The following ASMTL variants were observed in gnomAD, a reference collection of about 807,000 sequenced individuals.
ASMTL encodes the protein acetylserotonin O-methyltransferase like.
A neutral mutation model predicts 60.3 loss-of-function variants in ASMTL; 57 were observed. That is an observed-to-expected ratio of 0.95 (90% CI 0.76 to 1.18). ASMTL has a LOEUF of 1.18. Ranked by LOEUF, ASMTL falls within the 50% of genes most tolerant of loss-of-function variation. ASMTL has a pLI of 0.00. For missense variants in ASMTL, 981 were observed against 852.6 expected, an observed-to-expected ratio of 1.15 and a Z score of -1.88; for synonymous variants, 419 against 373.0, an observed-to-expected ratio of 1.12 and a Z score of -1.42.
At position 1,415,471 on chromosome X, in the gene ASMTL, C is replaced by CTTTTTTTTT. The variant is rs768836925; in HGVS notation, c.1522+2493_1522+2501dup. On this transcript the variant is annotated intron_variant, in intron 11 of 12. Coordinates refer to ENST00000381317, the MANE Select transcript of ASMTL (RefSeq NM_004192.4). The stretch of plus-strand genomic sequence containing the variant: ...TATTTATCATTATTATTATCATTGT[C>CTTTTTTTTT]TTTTTTTTTTTGAGATGGAGTTTCG... Among the ~76,000 whole-genome samples, 3 of 147,032 alleles carry CTTTTTTTTT rather than the reference C, an allele frequency of 2.0e-5. 1 individual carries two copies. Among genetic ancestry groups the CTTTTTTTTT allele is most frequent in the Non-Finnish European group, 3.0e-5 (2 of 67,128 alleles).
intron 5 of ASMTL, 124 bp downstream of exon 5, chrX:1,434,898 G>C: frequency 1.0e-6 from 1 of 986,312 alleles, no homozygotes; most frequent in East Asian, 2.5e-5. Context: ...GCAGGACATA[G>C]GCACAAACCC....
intron 6 of ASMTL, among the ~76,000 whole-genome samples, chrX:1,429,666 G>A (rs1189345500): frequency 6.6e-6 from 1 of 151,970 alleles, no homozygotes; most frequent in Non-Finnish European, 1.5e-5. Flanking sequence ...GCGTGGCGGT[G>A]GGTGCCTGTA....
intron 12 of ASMTL, among the ~76,000 whole-genome samples, chrX:1,406,586 G>GGATGTAT (rs1342964787): frequency 6.6e-6 from 1 of 151,258 alleles, no homozygotes; most frequent in Non-Finnish European, 1.5e-5. Context: ...TGGATGAGAT[G>GGATGTAT]GATGTATGGG....
Position 1,412,734 on chromosome X carries a change from G to C in ASMTL, c.1643C>G (p.Pro548Arg). Residue 548 changes from proline to arginine, a missense_variant and splice_region_variant, in exon 12 of 13, where the codon CCA becomes CGA. Physicochemically the swap from Pro to Arg is moderately radical, Grantham distance 103. Transcript: ENST00000381317. ...LLSRVAESCKPGAGLLLVETL... is the reference protein window; with the variant it reads ...LLSRVAESCKRGAGLLLVETL... ...CTAACCTGACGATGGGCTCTCACCT[G>C]GCTTGCAGCTCTCGGCGACCCTGCT... 1 of 1,613,946 alleles carries C rather than the reference G, an allele frequency of 6.2e-7. No individual in the cohort carries two copies. The highest frequency in any genetic ancestry group is 8.5e-7 in the Non-Finnish European group (1 of 1,179,850).
intron 2 of ASMTL, chrX:1,441,930 A>T: frequency 2.1e-6 from 1 of 482,550 alleles, no homozygotes; most frequent in Non-Finnish European, 3.7e-6. Flanking sequence ...ATTGTATATC[A>T]TCAATGATAC....
intron 8 of ASMTL, among the ~76,000 whole-genome samples, chrX:1,422,624 G>A (rs150764457): frequency 0.016 from 2,393 of 152,156 alleles, 59 homozygotes; most frequent in African/African-American, 0.055. Context: ...AGTTGTTGGT[G>A]GAGACCCGTA....
chrX:1,436,500 C>G (rs1479873866), intron 3 of ASMTL, among the ~76,000 whole-genome samples: 50 of 143,718 alleles, frequency 3.5e-4, no homozygotes, highest in South Asian at 4.4e-4. Flanking sequence ...CTACAGGCGC[C>G]CGCCACCACA....
rs199605192 is a variant in ASMTL at position 1,425,563 on chromosome X, A to C, written c.1022T>G (p.Ile341Ser). The C allele has an allele frequency of 9.3e-6, 15 of 1,613,486 alleles. No individual in the cohort carries two copies. Among genetic ancestry groups the C allele is most frequent in the Non-Finnish European group, 1.3e-5 (15 of 1,179,802 alleles). Reference protein sequence around the residue: ...SACGMERLLDICAAMGLLEKT... With the variant: ...SACGMERLLDSCAAMGLLEKT... ...CTCCAGGAGCCCCATGGCAGCACAG[A>C]TGTCCAGAAGCCTCTCCATTCCACA... Residue 341 changes from isoleucine to serine, a missense_variant, in exon 8 of 13, where the codon ATC becomes AGC. Coordinates refer to ENST00000381317, the MANE Select transcript of ASMTL (RefSeq NM_004192.4).
At chrX:1,427,481 T>C (rs1260015654) in intron 7 of ASMTL, among the ~76,000 whole-genome samples, 2 of 139,876 alleles carry the variant, frequency 1.4e-5, no homozygotes, top group African/African-American at 2.7e-5. Flanking sequence ...ACAGACACAG[T>C]GGATGAGGCC....
chrX:1,432,254 G>GC lies in ASMTL; in HGVS notation c.509+14dup, dbSNP rs2090815229. 1.2e-6 allele frequency: 1 copy of GC among 829,598 alleles called. No homozygotes were observed. Among genetic ancestry groups the GC allele is most frequent in the Admixed American group, 2.0e-5 (1 of 50,376 alleles). The allele number at this position is 829,598 out of a possible 1,614,324, so 51.4% of individuals were successfully genotyped here. On this transcript the variant is annotated intron_variant, in intron 6 of 12. Transcript: ENST00000381317. ...CACACGTGTCCCCCGTCCCCCCACC[G>GC]CCCCCGAGACTCACATGGGCTCCCC... is the stretch of plus-strand genomic sequence containing the variant.
chrX:1,417,169 GGCCCACAGCATGCACACAGAT>G (rs2090315796), intron 11 of ASMTL, among the ~76,000 whole-genome samples: 1 of 147,884 alleles, frequency 6.8e-6, no homozygotes, highest in Non-Finnish European at 1.5e-5. Flanking sequence ...CACAACCACC[GGCCCACAGCATGCACACAGAT>G]GCAGACGTAC....
intron 12 of ASMTL, 32 bp downstream of exon 12, chrX:1,412,700 C>CA: frequency 1.2e-6 from 2 of 1,613,870 alleles, no homozygotes; most frequent in Non-Finnish European, 1.7e-6. Context: ...TACGTCTTAA[C>CA]AAAAACAGCT....
intron 9 of ASMTL, 68 bp from the exon 10 acceptor site, chrX:1,419,182 G>A (rs2090404991): frequency 6.4e-7 from 1 of 1,573,018 alleles, no homozygotes; most frequent in Non-Finnish European, 8.6e-7. Context: ...CCTCTCCCTG[G>A]GGGTCGGGGG....
chrX:1,416,864 C>G (rs1241148676), intron 11 of ASMTL, among the ~76,000 whole-genome samples: 2 of 151,102 alleles, frequency 1.3e-5, no homozygotes, highest in African/African-American at 2.4e-5. Context: ...GACATGTACA[C>G]ATATATCCAC....
intron 8 of ASMTL, among the ~76,000 whole-genome samples, chrX:1,422,154 C>G (rs1359692174): frequency 6.6e-6 from 1 of 152,160 alleles, no homozygotes; most frequent in Non-Finnish European, 1.5e-5. Context: ...TGGCCACGCT[C>G]AAGTTCCCAG....
At chrX:1,428,808 C>T (rs1403718414) in intron 6 of ASMTL, among the ~76,000 whole-genome samples, 3 of 145,736 alleles carry the variant, frequency 2.1e-5, no homozygotes, top group Non-Finnish European at 3.0e-5. Context: ...AGTGTGCTGG[C>T]AATTTACCAG....
At chrX:1,420,153 TTCTGTCTCCCTATC>T (rs1172628831) in intron 9 of ASMTL, among the ~76,000 whole-genome samples, 6 of 151,598 alleles carry the variant, frequency 4.0e-5, no homozygotes, top group Non-Finnish European at 8.8e-5. Flanking sequence ...CCATCTTTGT[TTCTGTCTCCCTATC>T]TCTGTCTCCG....
At chrX:1,445,434 T>C (rs1406926223) in intron 1 of ASMTL, among the ~76,000 whole-genome samples, 2 of 152,172 alleles carry the variant, frequency 1.3e-5, no homozygotes, top group Non-Finnish European at 2.9e-5. Context: ...GAATTTTTTA[T>C]TGCAATAGTC....
At chrX:1,412,287 G>C (rs1235376238) in intron 12 of ASMTL, among the ~76,000 whole-genome samples, 1 of 152,074 alleles carries the variant, frequency 6.6e-6, no homozygotes, top group Non-Finnish European at 1.5e-5. Context: ...GAGTGCAGTG[G>C]CGCGATCTCG....
Sources: gnomAD v4.1 joint callset for allele counts (sites outside exome capture counted in the v4.1 genomes callset) on GRCh38, gnomAD v4.1.1 for gene constraint, MANE v1.5 for transcripts, NCBI Gene and HGNC (gene_info 2026-07-23, HGNC 2026-07-21) for gene names.